The following LAMB4 variants were observed in gnomAD, a reference collection of about 807,000 sequenced individuals.
LAMB4 encodes the protein laminin subunit beta 4.
A neutral mutation model predicts 199.2 loss-of-function variants in LAMB4; 196 were observed. The ratio of observed to expected loss-of-function variants is 0.98; its 90% CI spans 0.88 to 1.11. The LOEUF (loss-of-function observed/expected upper bound fraction) is 1.11. Ranked by LOEUF, LAMB4 falls within the 50% of genes least tolerant of loss-of-function variation. The pLI is 0.00. For missense variants in LAMB4, 2,080 were observed against 2,171.2 expected, an observed-to-expected ratio of 0.96 and a Z score of 0.83; for synonymous variants, 744 against 770.6, an observed-to-expected ratio of 0.97 and a Z score of 0.57.
chr7:108,029,068 T>C lies in LAMB4; in HGVS notation c.5121A>G (p.Thr1707=), dbSNP rs150111455. Residue 1707 remains threonine (T), a synonymous_variant, in exon 33 of 34, where the codon ACA becomes ACG. Coordinates refer to ENST00000388781, the MANE Select transcript of LAMB4 (RefSeq NM_007356.3). The stretch of plus-strand genomic sequence containing the variant: ...CTGTTATTCTTCTTATCTTGGCCTC[T>C]GTATCTCCAGCCAATTTTTCTGCCG... ...KDAAEKLAGD[T]EAKIRRITDL... 1 of 1,613,858 alleles carries C rather than the reference T, an allele frequency of 6.2e-7. No homozygotes were observed. Among genetic ancestry groups the C allele is most frequent in the Non-Finnish European group, 8.5e-7 (1 of 1,179,982 alleles).
In LAMB4 at chr7:108,098,578, A is replaced by G. The variant is rs2037714879; in HGVS notation, c.1185T>C (p.Cys395=). ...ATATGGTCCCATCGGGGTCACATTCACAAGCTGGGGACACAGACATTCATT... is the reference window on the plus strand; with the variant it reads ...ATATGGTCCCATCGGGGTCACATTCGCAAGCTGGGGACACAGACATTCATT... ...TISDPYACIP[C]ECDPDGTISG... is the part of the protein sequence containing the mutation. The change falls in exon 11 of 34, where the codon TGT becomes TGC. Residue 395 remains cysteine (C), a synonymous_variant. Coordinates refer to ENST00000388781, the MANE Select transcript of LAMB4 (RefSeq NM_007356.3). The G allele has an allele frequency of 4.4e-6, 7 of 1,596,604 alleles. No individual in the cohort carries two copies. The highest frequency in any genetic ancestry group is 5.1e-6 in the Non-Finnish European group (6 of 1,173,602).
chr7:108,069,287 G>A (rs2036450859), intron 18 of LAMB4, among the ~76,000 whole-genome samples: 1 of 152,236 alleles, frequency 6.6e-6, no homozygotes, highest in Non-Finnish European at 1.5e-5. Flanking sequence ...GGCCCCCGCA[G>A]CAAAGAATTA....
At chr7:108,029,217 A>C in intron 32 of LAMB4, 21 bp from the exon 33 acceptor site, 1 of 1,605,274 alleles carries the variant, frequency 6.2e-7, no homozygotes, top group Non-Finnish European at 8.5e-7. Flanking sequence ...CAACACTTGC[A>C]TCATGAGAAA....
At chr7:108,097,237 G>A (rs1184192429) in intron 11 of LAMB4, among the ~76,000 whole-genome samples, 2 of 152,142 alleles carry the variant, frequency 1.3e-5, no homozygotes, top group African/African-American at 2.4e-5. Flanking sequence ...TATGGAGCAG[G>A]AGGCTGTGAC....
At chr7:108,016,970 G>A in the LAMB4 span, among the ~76,000 whole-genome samples, 2 of 152,114 alleles carry the variant, frequency 1.3e-5, no homozygotes, top group Admixed American at 1.3e-4. Context: ...CCTAGTTTTG[G>A]TGTTTGCCAT....
chr7:108,075,937 G>T (rs2036685934), intron 17 of LAMB4: 2 of 155,146 alleles, frequency 1.3e-5, no homozygotes, highest in South Asian at 4.0e-4. Context: ...TGCAGCCTGG[G>T]TGACAGAGAA....
At chr7:108,095,976 A>C (rs1477079648) in intron 11 of LAMB4, among the ~76,000 whole-genome samples, 1 of 152,262 alleles carries the variant, frequency 6.6e-6, no homozygotes, top group Non-Finnish European at 1.5e-5. Flanking sequence ...CAGCAATAAA[A>C]AATAAAGACC....
intron 3 of LAMB4, among the ~76,000 whole-genome samples, chr7:108,115,659 A>G (rs559615233): frequency 2.0e-5 from 3 of 152,346 alleles, no homozygotes; most frequent in African/African-American, 7.2e-5. Flanking sequence ...TAAAAAGAAC[A>G]CATTTTAAGA....
At chr7:108,101,054 C>G (rs1363543206) in intron 10 of LAMB4, among the ~76,000 whole-genome samples, 1 of 152,162 alleles carries the variant, frequency 6.6e-6, no homozygotes, top group African/African-American at 2.4e-5. Flanking sequence ...CTGTATAAGA[C>G]TTCATTTTAT....
chr7:108,052,242 CT>C lies in LAMB4; in HGVS notation c.3770del (p.Gln1257ArgfsTer2). ...ACACTGCTTTCAGTTGTTCATTTAGCTGCATGATTTGTCTTCTATAGAGGAA... is the reference window on the plus strand; with the variant it reads ...ACACTGCTTTCAGTTGTTCATTTAGCGCATGATTTGTCTTCTATAGAGGAA... The part of the protein sequence containing the change: ...YHDSVRRQIM[Q>X]LNEQLKAVYE... On this transcript the variant is annotated frameshift_variant, in exon 26 of 34. Coordinates refer to ENST00000388781, the MANE Select transcript of LAMB4 (RefSeq NM_007356.3). LOFTEE classifies it high-confidence loss of function. 1 of 1,601,842 alleles carries C rather than the reference CT, an allele frequency of 6.2e-7. No individual in the cohort carries two copies. Among genetic ancestry groups the C allele is most frequent in the Non-Finnish European group, 8.5e-7 (1 of 1,173,458 alleles).
rs368034090 is a variant in LAMB4 at position 108,043,816 on chromosome 7, G to T, written c.4407C>A (p.Asn1469Lys). The change falls in exon 29 of 34, where the codon AAC becomes AAA. Residue 1469 changes from asparagine to lysine, a missense_variant. Coordinates refer to ENST00000388781, the MANE Select transcript of LAMB4 (RefSeq NM_007356.3). Reference sequence around the variant, plus strand: ...TGTTTTCTTCTTCAGAGTCACTTTGGTTTCTTATATTTCCCAGTTTTTCCC... The same window carrying T: ...TGTTTTCTTCTTCAGAGTCACTTTGTTTTCTTATATTTCCCAGTTTTTCCC... ...QLREKLGNIR[N>K]QSDSEEENIN... 6 of 1,607,430 alleles carry T rather than the reference G, an allele frequency of 3.7e-6. No homozygotes were observed. The highest frequency in any genetic ancestry group is 3.4e-6 in the Non-Finnish European group (4 of 1,176,064).
intron 1 of LAMB4, among the ~76,000 whole-genome samples, chr7:108,128,920 T>G (rs2038887359): frequency 6.6e-6 from 1 of 152,218 alleles, no homozygotes; most frequent in Non-Finnish European, 1.5e-5. Flanking sequence ...ATGAGATATG[T>G]ATAAACGTAT....
chr7:108,059,677 G>A (rs772524858), intron 23 of LAMB4, among the ~76,000 whole-genome samples: 8 of 152,092 alleles, frequency 5.3e-5, no homozygotes, highest in East Asian at 1.9e-4. Flanking sequence ...CTGTTCAGGC[G>A]TCGCTTCTTT....
At chr7:108,065,690 A>G in intron 21 of LAMB4, 72 bp downstream of exon 21, 1 of 1,289,164 alleles carries the variant, frequency 7.8e-7, no homozygotes, top group Non-Finnish European at 1.1e-6. Flanking sequence ...ATAAGTCATG[A>G]ATATATGATC....
At chr7:108,082,156 C>T (rs891299869) in intron 14 of LAMB4, among the ~76,000 whole-genome samples, 1 of 151,976 alleles carries the variant, frequency 6.6e-6, no homozygotes, top group Admixed American at 6.6e-5. Flanking sequence ...CGGTGAAACC[C>T]CGTCTCTACT....
Position 108,045,619 on chromosome 7 carries a change from G to A in LAMB4, c.4327-1723C>T, listed in dbSNP as rs551013738. On this transcript the variant is annotated intron_variant, in intron 28 of 33. Transcript: ENST00000388781. ...AATCAGGACTCCTTTAAATGTGGGT[G>A]AGGTTTCTATTTTTTTGAGAAGGAG... Among the ~76,000 whole-genome samples, 10 of 152,314 alleles carry A rather than the reference G, an allele frequency of 6.6e-5. No individual in the cohort carries two copies. The East Asian group carries it at 1.9e-3, about 29-fold the overall frequency.
At chr7:108,075,978 T>C (rs1272716283) in intron 17 of LAMB4, 1 of 153,764 alleles carries the variant, frequency 6.5e-6, no homozygotes, top group African/African-American at 2.4e-5. Flanking sequence ...AAAAAATGAA[T>C]TGGAAAATAT....
intron 1 of LAMB4, among the ~76,000 whole-genome samples, 157 bp from the exon 2 acceptor site, chr7:108,123,354 A>G (rs2038666552): frequency 6.6e-6 from 1 of 152,238 alleles, no homozygotes. Flanking sequence ...AGAGTGCATA[A>G]ACATTTTAAC....
intron 19 of LAMB4, 115 bp from the exon 20 acceptor site, chr7:108,066,715 T>A: frequency 1.5e-6 from 1 of 661,716 alleles, no homozygotes; most frequent in South Asian, 1.8e-5. Context: ...TAAGCAAGCC[T>A]GTAACGTGCT....
Sources: allele counts gnomAD v4.1 joint callset (sites outside exome capture counted in the v4.1 genomes callset), GRCh38; gene constraint gnomAD v4.1.1; transcripts MANE v1.5; gene names NCBI Gene and HGNC (gene_info 2026-07-23, HGNC 2026-07-21).